ANKRD12: variants seen among roughly 807,000 people sequenced by gnomAD.
ANKRD12 encodes ankyrin repeat domain 12.
A neutral mutation model predicts 183.4 loss-of-function variants in ANKRD12; 85 were observed. That is an observed-to-expected ratio of 0.46 (90% CI 0.39 to 0.56). The LOEUF is 0.56. ANKRD12 is among the 20% of genes least tolerant of loss of function. ANKRD12 has a pLI of 0.00. For missense variants in ANKRD12, 2,405 were observed against 2,357.1 expected (o/e 1.02, Z -0.42); for synonymous variants, 914 against 800.2 (o/e 1.14, Z -2.40).
intron 8 of ANKRD12, chr18:9,249,982 TTAG>T (rs2038192422): frequency 6.6e-6 from 1 of 152,216 alleles, no homozygotes; most frequent in Non-Finnish European, 1.5e-5. Flanking sequence ...GCTGCATCTC[TTAG>T]TAGATGGCCT....
intron 9 of ANKRD12, among the ~76,000 whole-genome samples, chr18:9,263,098 T>C (rs2039075870): frequency 1.3e-5 from 2 of 152,152 alleles, no homozygotes; most frequent in South Asian, 4.2e-4. Context: ...GCCCGGCCAG[T>C]GTATCTTATT....
At chr18:9,211,047 T>C (rs1311071729) in intron 5 of ANKRD12, among the ~76,000 whole-genome samples, 2 of 152,056 alleles carry the variant, frequency 1.3e-5, no homozygotes, top group South Asian at 2.1e-4. Flanking sequence ...TATCAAAATA[T>C]GAGAATCAAG....
intron 8 of ANKRD12, among the ~76,000 whole-genome samples, chr18:9,251,291 G>A (rs1043313532): frequency 6.6e-6 from 1 of 152,076 alleles, no homozygotes; most frequent in African/African-American, 2.4e-5. Context: ...TGTTCCATTT[G>A]GATACCATAC....
chr18:9,147,493 C>T (rs1046257334), intron 1 of ANKRD12, among the ~76,000 whole-genome samples: 3 of 152,062 alleles, frequency 2.0e-5, no homozygotes, highest in Non-Finnish European at 4.4e-5. Flanking sequence ...TTAAAAGGTA[C>T]AAAAAATAGC....
Position 9,254,437 on chromosome 18 carries a change from A to G in ANKRD12, c.1170A>G (p.Glu390=), listed in dbSNP as rs35101529. 9.5e-6 allele frequency: 15 copies of G among 1,579,282 alleles called. No individual in the cohort carries two copies. Among genetic ancestry groups the G allele is most frequent in the Admixed American group, 1.9e-5 (1 of 51,402 alleles). Reference sequence around the variant, plus strand: ...GGAAAGAACAACGAAAAGAAAATGAACCTGAAGCAGAAAAAACTCATTTAT... The same window carrying G: ...GGAAAGAACAACGAAAAGAAAATGAGCCTGAAGCAGAAAAAACTCATTTAT... ...ILRKEQRKEN[E]PEAEKTHLFA... The change falls in exon 9 of 13, where the codon GAA becomes GAG. Residue 390 remains glutamate, a synonymous_variant. Coordinates refer to ENST00000262126, the MANE Select transcript of ANKRD12 (RefSeq NM_015208.5).
intron 7 of ANKRD12, among the ~76,000 whole-genome samples, chr18:9,220,131 T>C (rs907248622): frequency 2.0e-5 from 3 of 152,246 alleles, no homozygotes; most frequent in Non-Finnish European, 4.4e-5. Context: ...TCATTGTGAA[T>C]CATTCTTAAA....
At chr18:9,233,642 G>C (rs536287960) in intron 8 of ANKRD12, among the ~76,000 whole-genome samples, 3 of 152,178 alleles carry the variant, frequency 2.0e-5, no homozygotes, top group African/African-American at 7.2e-5. Flanking sequence ...TTCTGGGTGC[G>C]CGTGATAGTG....
intron 8 of ANKRD12, among the ~76,000 whole-genome samples, chr18:9,237,343 C>T (rs1175488949): frequency 6.6e-6 from 1 of 152,196 alleles, no homozygotes; most frequent in Admixed American, 6.5e-5. Context: ...GACAAATTGT[C>T]TCTATAACAT....
chr18:9,141,160 A>T (rs555859919), intron 1 of ANKRD12, among the ~76,000 whole-genome samples: 1 of 152,242 alleles, frequency 6.6e-6, no homozygotes, highest in South Asian at 2.1e-4. Context: ...ACCTTATGGG[A>T]ATCATAGAAC....
intron 10 of ANKRD12, among the ~76,000 whole-genome samples, 182 bp downstream of exon 10, chr18:9,264,070 C>T (rs2039139394): frequency 6.6e-6 from 1 of 152,022 alleles, no homozygotes; most frequent in Non-Finnish European, 1.5e-5. Context: ...ATAGCTGCTC[C>T]CATATTATAA....
intron 4 of ANKRD12, 93 bp downstream of exon 4, chr18:9,204,637 G>GA: frequency 1.1e-6 from 1 of 947,720 alleles, no homozygotes; most frequent in Non-Finnish European, 1.6e-6. Flanking sequence ...TTTCAAACCA[G>GA]CATATAGATA....
intron 3 of ANKRD12, among the ~76,000 whole-genome samples, chr18:9,199,334 T>G (rs1245246304): frequency 1.3e-5 from 2 of 152,150 alleles, no homozygotes; most frequent in African/African-American, 4.8e-5. Flanking sequence ...TATGAAACAG[T>G]ATGTGCTATT....
intron 1 of ANKRD12, among the ~76,000 whole-genome samples, chr18:9,164,349 C>T (rs1305490042): frequency 6.6e-6 from 1 of 152,100 alleles, no homozygotes; most frequent in Non-Finnish European, 1.5e-5. Context: ...TTGAACCAAC[C>T]TTGCATGCCA....
chr18:9,226,578 A>G (rs1408124489), intron 8 of ANKRD12, among the ~76,000 whole-genome samples: 1 of 152,016 alleles, frequency 6.6e-6, no homozygotes. Flanking sequence ...GGGGGGGTGG[A>G]TTTTTACTGA....
intron 1 of ANKRD12, among the ~76,000 whole-genome samples, chr18:9,138,060 T>G (rs1465565483): frequency 2.0e-5 from 3 of 152,256 alleles, no homozygotes; most frequent in African/African-American, 7.2e-5. Context: ...GCAGATCCAG[T>G]GCTGTGTATG....
chr18:9,140,626 A>G (rs1446095778), intron 1 of ANKRD12, among the ~76,000 whole-genome samples: 2 of 152,182 alleles, frequency 1.3e-5, no homozygotes, highest in African/African-American at 2.4e-5. Context: ...AAAGGAGGAG[A>G]TGATTTCCTT....
intron 10 of ANKRD12, among the ~76,000 whole-genome samples, chr18:9,271,573 G>T (rs1299051393): frequency 6.6e-6 from 1 of 152,092 alleles, no homozygotes; most frequent in Non-Finnish European, 1.5e-5. Context: ...GCCCAGGCTG[G>T]TCTCAAATTC....
chr18:9,137,845 A>C (rs1291128855), intron 1 of ANKRD12: 1 of 152,198 alleles, frequency 6.6e-6, no homozygotes, highest in Non-Finnish European at 1.5e-5. Context: ...ACAGATCCCA[A>C]AGCGTTGAAT....
chr18:9,151,543 A>G (rs1229337615), intron 1 of ANKRD12, among the ~76,000 whole-genome samples: 1 of 152,088 alleles, frequency 6.6e-6, no homozygotes, highest in Non-Finnish European at 1.5e-5. Context: ...TCAGAATAGA[A>G]TCTTGGACCT....
Sources: gnomAD v4.1 joint callset for allele counts (sites outside exome capture counted in the v4.1 genomes callset) on GRCh38, gnomAD v4.1.1 for gene constraint, MANE v1.5 for transcripts, NCBI Gene and HGNC (gene_info 2026-07-23, HGNC 2026-07-21) for gene names.